The following TAFA4 variants were observed in gnomAD, a reference collection of about 807,000 sequenced individuals.
TAFA4 encodes the protein TAFA chemokine like family member 4, also known as chemokine-like protein TAFA-4.
TAFA4 carries 20 observed loss-of-function variants against 21.1 expected under a neutral mutation model. The ratio of observed to expected loss-of-function variants is 0.95; its 90% CI spans 0.67 to 1.38. The LOEUF is 1.38. Among genes scored for constraint, TAFA4 ranks in the 40% most tolerant of loss-of-function variants. The probability of loss-of-function intolerance (pLI) is 0.00; values close to 1 mark genes in which losing one functional copy is unlikely to be tolerated. For missense variants in TAFA4, 211 were observed against 180.9 expected (o/e 1.17, Z -0.95); for synonymous variants, 71 against 67.4 (o/e 1.05, Z -0.26).
intron 1 of TAFA4, among the ~76,000 whole-genome samples, chr3:68,897,568 G>A (rs2089804307): frequency 6.6e-6 from 1 of 151,856 alleles, no homozygotes; most frequent in African/African-American, 2.4e-5. Context: ...AGAGGTTGCA[G>A]TGAGCTGAGA....
intron 3 of TAFA4, among the ~76,000 whole-genome samples, chr3:68,850,508 C>T (rs1485805073): frequency 2.0e-5 from 3 of 152,168 alleles, no homozygotes; most frequent in African/African-American, 4.8e-5. Context: ...TACACTCCCA[C>T]CAACAGTGTA....
intron 3 of TAFA4, among the ~76,000 whole-genome samples, chr3:68,835,810 C>T (rs1486860881): frequency 6.6e-6 from 1 of 152,168 alleles, no homozygotes; most frequent in Admixed American, 6.5e-5. Flanking sequence ...TTCTTAGTTC[C>T]CAAGCATCAA....
chr3:68,784,412 C>A (rs1703210211), intron 3 of TAFA4, among the ~76,000 whole-genome samples: 1 of 152,056 alleles, frequency 6.6e-6, no homozygotes, highest in Non-Finnish European at 1.5e-5. Flanking sequence ...TTTGGAGTTT[C>A]TTCCTTCTGG....
Position 68,739,090 on chromosome 3 carries a change from T to A in TAFA4, c.396A>T (p.Lys132Asn). The A allele has an allele frequency of 6.2e-7, 1 of 1,613,898 alleles. No individual in the cohort carries two copies. Among genetic ancestry groups the A allele is most frequent in the Non-Finnish European group, 8.5e-7 (1 of 1,179,844 alleles). ...YSGWSCSSGN[K>N]VKTTKVTR is the part of the protein sequence containing the mutation. ...CTATACTTGCCTTCGTAGTTTTGAC[T>A]TTATTGCCACTGCTACAGGACCAAC... is the stretch of plus-strand genomic sequence containing the variant. The change falls in exon 5 of 6, where the codon AAA becomes AAT. Residue 132 changes from lysine to asparagine, a missense_variant. Transcript: ENST00000295569.
At chr3:68,759,040 G>A (rs552862137) in intron 3 of TAFA4, among the ~76,000 whole-genome samples, 16 of 152,322 alleles carry the variant, frequency 1.1e-4, no homozygotes, top group Non-Finnish European at 1.8e-4. Flanking sequence ...AGAGCCAATG[G>A]TGTCATTCCC....
intron 3 of TAFA4, among the ~76,000 whole-genome samples, chr3:68,805,652 A>G (rs1703679122): frequency 6.6e-6 from 1 of 152,180 alleles, no homozygotes. Flanking sequence ...CCTGTCCTTT[A>G]TAGGGACATG....
chr3:68,785,624 C>T (rs1703241896), intron 3 of TAFA4, among the ~76,000 whole-genome samples: 1 of 152,252 alleles, frequency 6.6e-6, no homozygotes, highest in African/African-American at 2.4e-5. Flanking sequence ...CCGCGTGCAG[C>T]CCCGGTTCCC....
chr3:68,888,468 C>G (rs1462751428), intron 1 of TAFA4, among the ~76,000 whole-genome samples: 1 of 152,096 alleles, frequency 6.6e-6, no homozygotes, highest in Non-Finnish European at 1.5e-5. Context: ...AAAACTGTTC[C>G]AGCCTCTACC....
At chr3:68,869,372 T>C (rs544257279) in intron 3 of TAFA4, among the ~76,000 whole-genome samples, 2 of 152,152 alleles carry the variant, frequency 1.3e-5, no homozygotes, top group African/African-American at 4.8e-5. Context: ...AAGGCCAGCA[T>C]TGCCCTTACA....
chr3:68,820,501 C>T (rs751524568), intron 3 of TAFA4, among the ~76,000 whole-genome samples: 2 of 151,876 alleles, frequency 1.3e-5, no homozygotes, highest in Non-Finnish European at 1.5e-5. Flanking sequence ...CATAGTGAAA[C>T]CTCATCCTAC....
chr3:68,813,976 G>T (rs879649972), intron 3 of TAFA4, among the ~76,000 whole-genome samples: 2 of 152,184 alleles, frequency 1.3e-5, no homozygotes, highest in South Asian at 4.1e-4. Flanking sequence ...CCATGATCAA[G>T]TTGGCTTCAT....
At chr3:68,751,604 C>A (rs893471834) in intron 4 of TAFA4, among the ~76,000 whole-genome samples, 1 of 152,044 alleles carries the variant, frequency 6.6e-6, no homozygotes, top group Non-Finnish European at 1.5e-5. Context: ...AATAGGTTGA[C>A]AATCCTTTAT....
chr3:68,904,752 A>C (rs1046172818), intron 1 of TAFA4, among the ~76,000 whole-genome samples: 2 of 152,162 alleles, frequency 1.3e-5, no homozygotes. Context: ...AGGTGAGGCC[A>C]TTTATTTATC....
chr3:68,904,751 CATTT>C (rs1192390451), intron 1 of TAFA4, among the ~76,000 whole-genome samples: 1 of 152,122 alleles, frequency 6.6e-6, no homozygotes, highest in Non-Finnish European at 1.5e-5. Flanking sequence ...GAGGTGAGGC[CATTT>C]ATTTATCAAC....
intron 4 of TAFA4, among the ~76,000 whole-genome samples, chr3:68,752,219 C>T (rs1293263365): frequency 6.6e-6 from 1 of 152,128 alleles, no homozygotes; most frequent in Non-Finnish European, 1.5e-5. Context: ...TATTTGTTCC[C>T]CTGGGGACTG....
intron 3 of TAFA4, among the ~76,000 whole-genome samples, chr3:68,868,819 A>G (rs957258692): frequency 2.0e-5 from 3 of 151,936 alleles, no homozygotes; most frequent in Non-Finnish European, 2.9e-5. Flanking sequence ...ACAATGATAC[A>G]TCTCAGTAAA....
At chr3:68,915,407 T>C (rs7643260) in intron 1 of TAFA4, among the ~76,000 whole-genome samples, 39,058 of 152,180 alleles carry the variant, frequency 0.26, 5,352 homozygotes, top group African/African-American at 0.36. Context: ...CTCAAGTTAG[T>C]TCTTGCTTTA....
At chr3:68,866,550 A>C (rs928602137) in intron 3 of TAFA4, among the ~76,000 whole-genome samples, 2 of 151,382 alleles carry the variant, frequency 1.3e-5, no homozygotes, top group African/African-American at 4.9e-5. Flanking sequence ...GCAAACAAGG[A>C]ATCATGAACT....
At chr3:68,736,049 C>T (rs1702235447) in intron 5 of TAFA4, among the ~76,000 whole-genome samples, 1 of 152,006 alleles carries the variant, frequency 6.6e-6, no homozygotes, top group Non-Finnish European at 1.5e-5. Flanking sequence ...GCTTTTCACC[C>T]TTAGTAGAGG....
Sources: allele counts gnomAD v4.1 joint callset (sites outside exome capture counted in the v4.1 genomes callset), GRCh38; gene constraint gnomAD v4.1.1; transcripts MANE v1.5; gene names NCBI Gene and HGNC (gene_info 2026-07-23, HGNC 2026-07-21).